Variants in KCNQ3 observed in about 807,000 individuals in gnomAD.
The protein encoded by KCNQ3 is potassium voltage-gated channel subfamily Q member 3.
A neutral mutation model predicts 92.5 loss-of-function variants in KCNQ3; 30 were observed. The observed-to-expected ratio is 0.32, with a 90% CI of 0.24 to 0.44. KCNQ3 has a LOEUF of 0.44. Ranked by LOEUF, KCNQ3 falls within the 20% of genes least tolerant of loss-of-function variation. The pLI is 1.00. For synonymous variants in KCNQ3, 450 were observed against 468.8 expected (o/e 0.96, Z 0.52); for missense variants, 913 against 1,140.3 (o/e 0.80, Z 2.87).
chr8:132,311,530 A>G (rs1257993655), intron 1 of KCNQ3, among the ~76,000 whole-genome samples: 1 of 152,226 alleles, frequency 6.6e-6, no homozygotes, highest in Non-Finnish European at 1.5e-5. Context: ...GGACACACAC[A>G]GGAAGAAGCC....
intron 1 of KCNQ3, among the ~76,000 whole-genome samples, chr8:132,473,678 G>A (rs1181719135): frequency 2.6e-5 from 4 of 152,136 alleles, no homozygotes; most frequent in African/African-American, 9.7e-5. Flanking sequence ...CTTCTCAGAT[G>A]AAGAAACTGA....
intron 1 of KCNQ3, among the ~76,000 whole-genome samples, chr8:132,191,499 T>C (rs947348739): frequency 1.3e-5 from 2 of 151,386 alleles, no homozygotes; most frequent in African/African-American, 2.4e-5. Context: ...TCCACACACA[T>C]ACATATATAT....
At chr8:132,278,294 T>A in intron 1 of KCNQ3, 1 of 718,104 alleles carries the variant, frequency 1.4e-6, no homozygotes, top group Non-Finnish European at 1.7e-6. Flanking sequence ...CTGTGCTTCC[T>A]ATGGCCAAAG....
chr8:132,333,248 G>A (rs1013216561), intron 1 of KCNQ3, among the ~76,000 whole-genome samples: 3 of 152,152 alleles, frequency 2.0e-5, no homozygotes, highest in Non-Finnish European at 4.4e-5. Flanking sequence ...AAGTCCTGCA[G>A]GTACAAGTGT....
intron 4 of KCNQ3, among the ~76,000 whole-genome samples, chr8:132,177,250 G>A (rs1210448951): frequency 4.6e-5 from 7 of 152,164 alleles, no homozygotes; most frequent in African/African-American, 1.7e-4. Context: ...GAGTGAAAAT[G>A]GGTCCTAATT....
chr8:132,373,083 A>C (rs555052916), intron 1 of KCNQ3, among the ~76,000 whole-genome samples: 1 of 152,038 alleles, frequency 6.6e-6, no homozygotes, highest in East Asian at 1.9e-4. Flanking sequence ...GGCTCATCCC[A>C]TCTCCCTGCG....
At chr8:132,265,484 A>G (rs7832589) in intron 1 of KCNQ3, among the ~76,000 whole-genome samples, 80,757 of 152,038 alleles carry the variant, frequency 0.53, 23,116 homozygotes, top group East Asian at 0.78. Flanking sequence ...TGCTTCTACA[A>G]GGTTTGTTTC....
intron 9 of KCNQ3, among the ~76,000 whole-genome samples, chr8:132,145,818 A>G (rs1439788006): frequency 6.6e-6 from 1 of 152,248 alleles, no homozygotes; most frequent in Non-Finnish European, 1.5e-5. Context: ...TTAGGAAACC[A>G]GTTTCAGTAA....
intron 1 of KCNQ3, among the ~76,000 whole-genome samples, chr8:132,384,077 A>G (rs1819830512): frequency 6.6e-6 from 1 of 152,144 alleles, no homozygotes; most frequent in Non-Finnish European, 1.5e-5. Context: ...CATCCTTCAA[A>G]CCCCAAATCA....
At chr8:132,274,944 C>T (rs1816276793) in intron 1 of KCNQ3, among the ~76,000 whole-genome samples, 1 of 152,082 alleles carries the variant, frequency 6.6e-6, no homozygotes, top group South Asian at 2.1e-4. Flanking sequence ...GTCCAATCAG[C>T]TCGGGTGAAG....
At chr8:132,318,040 C>T (rs1460408569) in intron 1 of KCNQ3, among the ~76,000 whole-genome samples, 1 of 152,216 alleles carries the variant, frequency 6.6e-6, no homozygotes, top group East Asian at 1.9e-4. Flanking sequence ...GAGCAGGGCT[C>T]ATTCCCACTC....
intron 1 of KCNQ3, among the ~76,000 whole-genome samples, chr8:132,247,883 G>A (rs1474825060): frequency 4.0e-5 from 6 of 151,774 alleles, no homozygotes; most frequent in East Asian, 1.9e-4. Context: ...AAACACTTAC[G>A]TATCACTTAC....
chr8:132,149,041 G>T (rs935044186), intron 9 of KCNQ3, among the ~76,000 whole-genome samples: 1 of 152,206 alleles, frequency 6.6e-6, no homozygotes, highest in Admixed American at 6.5e-5. Flanking sequence ...CTCTACAGAG[G>T]AATTTATTAT....
intron 1 of KCNQ3, among the ~76,000 whole-genome samples, chr8:132,406,571 A>G (rs1820487267): frequency 1.3e-5 from 2 of 152,016 alleles, no homozygotes; most frequent in African/African-American, 4.8e-5. Flanking sequence ...ACAGACACAC[A>G]CACACAGAAA....
chr8:132,443,847 C>T (rs750740465), intron 1 of KCNQ3, among the ~76,000 whole-genome samples: 1 of 152,162 alleles, frequency 6.6e-6, no homozygotes, highest in Non-Finnish European at 1.5e-5. Flanking sequence ...AGCCCTCTGA[C>T]ACTCTTTACC....
chr8:132,307,538 T>C (rs1470517037), intron 1 of KCNQ3, among the ~76,000 whole-genome samples: 1 of 152,214 alleles, frequency 6.6e-6, no homozygotes, highest in African/African-American at 2.4e-5. Context: ...CATTTCATCT[T>C]TAAAAAGAGC....
chr8:132,297,247 T>C (rs913302292), intron 1 of KCNQ3, among the ~76,000 whole-genome samples: 10 of 152,164 alleles, frequency 6.6e-5, no homozygotes, highest in African/African-American at 2.4e-4. Context: ...TGTTTGTTTT[T>C]TTCTTGTAAA....
chr8:132,171,526 C>T (rs1826351225), intron 7 of KCNQ3, among the ~76,000 whole-genome samples: 1 of 152,216 alleles, frequency 6.6e-6, no homozygotes, highest in Non-Finnish European at 1.5e-5. Flanking sequence ...CTCCCTGCAA[C>T]CCCCAGCCCA....
At chr8:132,184,506 G>C (rs1005491049) in intron 2 of KCNQ3, 139 bp from the exon 3 acceptor site, 1 of 843,556 alleles carries the variant, frequency 1.2e-6, no homozygotes, top group African/African-American at 1.7e-5. Flanking sequence ...GGCTGGGGAT[G>C]GGGGTGGGGA....
Sources: allele counts gnomAD v4.1 joint callset (sites outside exome capture counted in the v4.1 genomes callset), GRCh38; gene constraint gnomAD v4.1.1; transcripts MANE v1.5; gene names NCBI Gene and HGNC (gene_info 2026-07-23, HGNC 2026-07-21).